Variants in ZHX2 observed in about 807,000 individuals in gnomAD.
ZHX2 encodes the protein zinc fingers and homeoboxes protein 2.
ZHX2 carries 6 observed loss-of-function variants against 21.9 expected under a neutral mutation model. The ratio of observed to expected loss-of-function variants is 0.27; its 90% CI spans 0.15 to 0.54. The LOEUF is 0.54. Among genes scored for constraint, ZHX2 ranks in the 20% least tolerant of loss-of-function variants. ZHX2 has a pLI of 0.95. For missense variants in ZHX2, 908 were observed against 1,090.7 expected, an observed-to-expected ratio of 0.83 and a Z score of 2.36; for synonymous variants, 434 against 437.1, an observed-to-expected ratio of 0.99 and a Z score of 0.09.
chr8:122,937,613 T>A (rs1812730970), intron 2 of ZHX2, among the ~76,000 whole-genome samples: 1 of 151,390 alleles, frequency 6.6e-6, no homozygotes, highest in South Asian at 2.1e-4. Flanking sequence ...TCAGTCTCAC[T>A]CTGTCACCCA....
chr8:122,970,771 G>A (rs940433105), intron 3 of ZHX2, among the ~76,000 whole-genome samples: 3 of 152,182 alleles, frequency 2.0e-5, no homozygotes, highest in Admixed American at 6.5e-5. Flanking sequence ...GGAAAGCACC[G>A]GCAGAGGCTG....
chr8:122,784,932 G>C (rs972627996), intron 1 of ZHX2, among the ~76,000 whole-genome samples: 2 of 152,172 alleles, frequency 1.3e-5, no homozygotes, highest in Non-Finnish European at 2.9e-5. Flanking sequence ...GGGAGACAGA[G>C]CCCCCCTGGC....
chr8:122,832,724 G>A (rs1263542549), intron 1 of ZHX2, among the ~76,000 whole-genome samples: 10 of 152,246 alleles, frequency 6.6e-5, no homozygotes, highest in East Asian at 3.9e-4. Context: ...CTTAGTTTGC[G>A]GAGGCGGGAG....
chr8:122,909,756 G>A (rs909484499), intron 2 of ZHX2, among the ~76,000 whole-genome samples: 7 of 152,124 alleles, frequency 4.6e-5, no homozygotes, highest in Admixed American at 1.3e-4. Context: ...CTGCTGTCCT[G>A]TGGGCTGCAT....
chr8:122,940,939 G>A (rs145467905), intron 2 of ZHX2, among the ~76,000 whole-genome samples: 20 of 152,222 alleles, frequency 1.3e-4, no homozygotes, highest in Non-Finnish European at 2.5e-4. Context: ...AATAGAGATT[G>A]TGCATGTAAA....
intron 2 of ZHX2, among the ~76,000 whole-genome samples, chr8:122,886,528 C>G (rs942108625): frequency 7.2e-5 from 11 of 152,112 alleles, no homozygotes; most frequent in Admixed American, 7.2e-4. Context: ...CGTACCCCAC[C>G]ATGCCGGATA....
At chr8:122,792,590 G>A (rs1277618024) in intron 1 of ZHX2, among the ~76,000 whole-genome samples, 1 of 152,188 alleles carries the variant, frequency 6.6e-6, no homozygotes, top group Non-Finnish European at 1.5e-5. Flanking sequence ...GTTCCCATCA[G>A]CAGAGTATGA....
At chr8:122,961,904 C>G (rs1813460274) in intron 3 of ZHX2, among the ~76,000 whole-genome samples, 1 of 152,204 alleles carries the variant, frequency 6.6e-6, no homozygotes, top group Non-Finnish European at 1.5e-5. Flanking sequence ...GCTTACTGCT[C>G]TCTATATGGA....
rs758320540 is a variant in ZHX2 at position 122,953,912 on chromosome 8, A to G, written c.2402A>G (p.Glu801Gly). ...VDYVEVTVGEEDAISDRSDSW... is the reference protein window; with the variant it reads ...VDYVEVTVGEGDAISDRSDSW... ...TACGTGGAGGTGACGGTCGGGGAGGAGGATGCGATCTCAGATAGATCAGAT... is the reference window on the plus strand; with the variant it reads ...TACGTGGAGGTGACGGTCGGGGAGGGGGATGCGATCTCAGATAGATCAGAT... Residue 801 changes from glutamate to glycine, a missense_variant, in exon 3 of 4, where the codon GAG becomes GGG. By Grantham distance (98) the Glu-to-Gly change is moderately conservative. This residue lies in a region of ZHX2 where 431 missense variants were observed against 428.6 expected (regional missense o/e 1.01). Transcript: ENST00000314393. This position sits in a 1 kb window ranked among gnomAD's most constrained non-coding sequence, Gnocchi z 4.6. The G allele has an allele frequency of 3.7e-6, 6 of 1,613,996 alleles. No individual in the cohort carries two copies. The highest frequency in any genetic ancestry group is 5.1e-6 in the Non-Finnish European group (6 of 1,180,012).
At chr8:122,867,580 A>C (rs1819329707) in intron 2 of ZHX2, among the ~76,000 whole-genome samples, 1 of 152,234 alleles carries the variant, frequency 6.6e-6, no homozygotes, top group Admixed American at 6.5e-5. Flanking sequence ...AATTAGAGAA[A>C]CTTTGTACTA....
At chr8:122,945,865 G>A (rs933691912) in intron 2 of ZHX2, among the ~76,000 whole-genome samples, 3 of 152,296 alleles carry the variant, frequency 2.0e-5, no homozygotes, top group Admixed American at 6.5e-5. Context: ...AATGCGCCCG[G>A]TCTCGTCAGA....
At chr8:122,819,506 A>G (rs1235943089) in intron 1 of ZHX2, among the ~76,000 whole-genome samples, 1 of 152,248 alleles carries the variant, frequency 6.6e-6, no homozygotes, top group Non-Finnish European at 1.5e-5. Flanking sequence ...GAAAAAGATT[A>G]CCTGGGAACA....
At chr8:122,945,953 G>T (rs1174228551) in intron 2 of ZHX2, among the ~76,000 whole-genome samples, 1 of 152,122 alleles carries the variant, frequency 6.6e-6, no homozygotes, top group African/African-American at 2.4e-5. Context: ...AGAACTCCCT[G>T]CTCCCTTTAA....
At position 122,952,144 on chromosome 8, in the gene ZHX2, G is replaced by A. The variant is rs35760254; in HGVS notation, c.634G>A (p.Val212Met). The A allele has an allele frequency of 1.5e-3, 2,483 of 1,613,650 alleles. 43 individuals are homozygous for A. In the African/African-American group the frequency reaches 0.03, roughly 19 times the overall value. The change falls in exon 3 of 4, where the codon GTG becomes ATG. Residue 212 changes from valine to methionine, a missense_variant. Physicochemically the swap from Val to Met is conservative, Grantham distance 21 (BLOSUM62 1). Coordinates refer to ENST00000314393, the MANE Select transcript of ZHX2 (RefSeq NM_014943.5). This position sits in a 1 kb window ranked among gnomAD's most constrained non-coding sequence, Gnocchi z 6.9. ...KPEEITPENH[V>M]EGTARLVTDT... Reference sequence around the variant, plus strand: ...CGAGGAGATCACCCCCGAGAACCACGTGGAAGGGACCGCCCGCCTGGTGAC... The same window carrying A: ...CGAGGAGATCACCCCCGAGAACCACATGGAAGGGACCGCCCGCCTGGTGAC...
intron 1 of ZHX2, among the ~76,000 whole-genome samples, chr8:122,798,072 C>T (rs1050450886): frequency 2.0e-5 from 3 of 152,168 alleles, no homozygotes; most frequent in African/African-American, 4.8e-5. Context: ...GGTGAAGCAA[C>T]GCAGCGAGGA....
chr8:122,970,726 G>T (rs1452166650), intron 3 of ZHX2, among the ~76,000 whole-genome samples: 1 of 152,200 alleles, frequency 6.6e-6, no homozygotes. Flanking sequence ...AAAGGTGGTG[G>T]AAGTCCCCAT....
intron 2 of ZHX2, among the ~76,000 whole-genome samples, chr8:122,917,495 A>G (rs1180023345): frequency 6.6e-6 from 1 of 152,164 alleles, no homozygotes; most frequent in African/African-American, 2.4e-5. Flanking sequence ...ATGGAGCCCT[A>G]GCAGTGCTGC....
In ZHX2 at chr8:122,837,385, C is replaced by G. The variant is rs184630712; in HGVS notation, c.-282-26092C>G. ...TGAGCAATGGGTTCCAGACCCCCAT[C>G]TCTAATCGTGAGCCCCATCCTGGAA... On this transcript the variant is annotated intron_variant, in intron 1 of 3. Transcript: ENST00000314393. 3.9e-5 allele frequency among the ~76,000 whole-genome samples: 6 copies of G among 152,276 alleles called. No homozygotes were observed. The East Asian group carries it at 5.8e-4, about 15-fold the overall frequency.
intron 2 of ZHX2, among the ~76,000 whole-genome samples, chr8:122,891,669 C>A (rs528411939): frequency 6.6e-6 from 1 of 152,166 alleles, no homozygotes; most frequent in African/African-American, 2.4e-5. Context: ...TCTTTCTTAA[C>A]CTCTTCATTG....
Sources: allele counts gnomAD v4.1 joint callset (sites outside exome capture counted in the v4.1 genomes callset), GRCh38; gene constraint gnomAD v4.1.1; regional missense constraint gnomAD v4.1.1; non-coding constraint Gnocchi (gnomAD v3.1); transcripts MANE v1.5; gene names NCBI Gene and HGNC (gene_info 2026-07-23, HGNC 2026-07-21).